The following SDCBP variants were observed in gnomAD, a reference collection of about 807,000 sequenced individuals.
The protein encoded by SDCBP is syndecan binding protein, also known as syntenin-1.
SDCBP carries 22 observed loss-of-function variants against 30.5 expected under a neutral mutation model. The ratio of observed to expected loss-of-function variants is 0.72; its 90% CI spans 0.52 to 1.03. SDCBP has a LOEUF of 1.03. Ranked by LOEUF, SDCBP falls within the 50% of genes least tolerant of loss-of-function variation. SDCBP has a pLI of 0.00. For missense variants in SDCBP, 304 were observed against 369.9 expected, an observed-to-expected ratio of 0.82 and a Z score of 1.46; for synonymous variants, 103 against 118.7, an observed-to-expected ratio of 0.87 and a Z score of 0.86.
chr8:58,563,947 G>A lies in SDCBP; in HGVS notation c.-15-1072G>A, dbSNP rs566630208. On this transcript the variant is annotated intron_variant, in intron 1 of 8. Transcript: ENST00000260130. ...GAAAGCTGCTCAGGGAGATTCCTTG[G>A]TGGTGGCATTCTGCTGCAGAGTTAC... 3.3e-5 allele frequency among the ~76,000 whole-genome samples: 5 copies of A among 152,340 alleles called. No homozygotes were observed. In the South Asian group the frequency reaches 1.0e-3, roughly 32 times the overall value.
intron 3 of SDCBP, among the ~76,000 whole-genome samples, chr8:58,571,751 C>CA (rs1805040208): frequency 6.6e-6 from 1 of 151,444 alleles, no homozygotes; most frequent in Admixed American, 6.6e-5. Context: ...TACAAGCTTC[C>CA]AAAAAAAATT....
chr8:58,577,082 C>T (rs1805380783), intron 5 of SDCBP, among the ~76,000 whole-genome samples: 1 of 152,242 alleles, frequency 6.6e-6, no homozygotes, highest in South Asian at 2.1e-4. Flanking sequence ...CTCTTGTGTT[C>T]TTTCCTCTGT....
At position 58,565,060 on chromosome 8, in the gene SDCBP, C is replaced by G. The variant is rs200120124; in HGVS notation, c.27C>G (p.Asp9Glu). ...TGTCTCTCTATCCATCTCTCGAAGA[C>G]TTGAAGGTAGACAAAGTAATTCAGG... MSLYPSLE[D>E]LKVDKVIQAQ... The change falls in exon 2 of 9, where the codon GAC (aspartate) becomes GAG (glutamate). Residue 9 changes from aspartate (D) to glutamate (E), a missense_variant. Asp to Glu is a conservative substitution (Grantham distance 45, BLOSUM62 2). Coordinates refer to ENST00000260130, the MANE Select transcript of SDCBP (RefSeq NM_005625.4). 3.1e-5 allele frequency: 49 copies of G among 1,589,766 alleles called. No individual in the cohort carries two copies. The highest frequency in any genetic ancestry group is 3.8e-5 in the Non-Finnish European group (44 of 1,165,170).
chr8:58,580,431 T>G, intron 7 of SDCBP, 86 bp from the exon 8 acceptor site: 1 of 707,240 alleles, frequency 1.4e-6, no homozygotes, highest in South Asian at 1.6e-5. Flanking sequence ...ACATATATTT[T>G]GTATTTCTTT....
chr8:58,579,443 T>TA (rs1243018257), intron 6 of SDCBP, among the ~76,000 whole-genome samples, 180 bp from the exon 7 acceptor site: 2 of 151,898 alleles, frequency 1.3e-5, no homozygotes, highest in Admixed American at 1.3e-4. Context: ...TGAATAAACT[T>TA]AAAAAAAACT....
chr8:58,560,661 G>A (rs1013614964), intron 1 of SDCBP: 4 of 152,288 alleles, frequency 2.6e-5, no homozygotes, highest in East Asian at 3.9e-4. Context: ...AAAAGGAAAC[G>A]AACAAGTTCA....
chr8:58,572,560 A>G (rs1404528458), intron 4 of SDCBP, among the ~76,000 whole-genome samples: 1 of 152,120 alleles, frequency 6.6e-6, no homozygotes, highest in Non-Finnish European at 1.5e-5. Context: ...TGTCTTCTGC[A>G]TTTAGTCAGT....
At chr8:58,574,943 C>T (rs1306045648) in intron 4 of SDCBP, among the ~76,000 whole-genome samples, 1 of 152,144 alleles carries the variant, frequency 6.6e-6, no homozygotes, top group Non-Finnish European at 1.5e-5. Flanking sequence ...AGTTACTATG[C>T]TGTACATTAG....
intron 2 of SDCBP, among the ~76,000 whole-genome samples, chr8:58,569,005 T>G (rs1804865914): frequency 6.6e-6 from 1 of 152,068 alleles, no homozygotes; most frequent in Non-Finnish European, 1.5e-5. Context: ...TAGCTGGGAC[T>G]ACAGGCATGC....
intron 5 of SDCBP, 22 bp downstream of exon 5, chr8:58,576,083 T>C: frequency 6.5e-7 from 1 of 1,543,858 alleles, no homozygotes; most frequent in Non-Finnish European, 8.9e-7. Context: ...AAATACCTAT[T>C]TGAATTTGTC....
chr8:58,562,579 T>C (rs1314646675), intron 1 of SDCBP, among the ~76,000 whole-genome samples: 1 of 152,034 alleles, frequency 6.6e-6, no homozygotes, highest in Non-Finnish European at 1.5e-5. Flanking sequence ...GCGAAGACAA[T>C]TCAAAAATGT....
At chr8:58,565,279 GAATT>G (rs1245298671) in intron 2 of SDCBP, among the ~76,000 whole-genome samples, 195 bp downstream of exon 2, 2 of 151,422 alleles carry the variant, frequency 1.3e-5, no homozygotes, top group Non-Finnish European at 2.9e-5. Context: ...ATTTCACTGT[GAATT>G]AATAGGCATG....
At position 58,579,606 on chromosome 8, in the gene SDCBP, AC is replaced by A. The variant is rs1374271519; in HGVS notation, c.579-15del. 8 of 1,501,996 alleles carry A rather than the reference AC, an allele frequency of 5.3e-6. No homozygotes were observed. The highest frequency in any genetic ancestry group is 7.1e-6 in the Non-Finnish European group (8 of 1,122,744). The allele number at this position is 1,501,996 out of a possible 1,614,324, so 93.0% of individuals were successfully genotyped here. ...AGCTTAGAATTAAGTTTTTAATTGAACCAATTATGTTTGTAGGCCCTTTGAA... is the reference window on the plus strand; with the variant it reads ...AGCTTAGAATTAAGTTTTTAATTGAACAATTATGTTTGTAGGCCCTTTGAA... On this transcript the variant is annotated splice_polypyrimidine_tract_variant and intron_variant, in intron 6 of 8. Coordinates refer to ENST00000260130, the MANE Select transcript of SDCBP (RefSeq NM_005625.4).
chr8:58,558,013 G>A (rs1000818063), intron 1 of SDCBP, among the ~76,000 whole-genome samples: 1 of 152,102 alleles, frequency 6.6e-6, no homozygotes. Flanking sequence ...CCCAGAGTTA[G>A]CTTTGTGGTT....
At chr8:58,579,829 G>A (rs772205712) in intron 7 of SDCBP, 35 bp downstream of exon 7, 1 of 1,537,728 alleles carries the variant, frequency 6.5e-7, no homozygotes, top group South Asian at 1.2e-5. Flanking sequence ...TTCTGCTGCA[G>A]TTTTAGAAAA....
intron 6 of SDCBP, among the ~76,000 whole-genome samples, chr8:58,578,634 AG>A (rs1218824443): frequency 6.6e-6 from 1 of 152,206 alleles, no homozygotes; most frequent in Non-Finnish European, 1.5e-5. Flanking sequence ...ATGAAGCAGT[AG>A]TTTTCAAGAA....
chr8:58,578,707 G>C (rs916346184), intron 6 of SDCBP, among the ~76,000 whole-genome samples: 1 of 152,168 alleles, frequency 6.6e-6, no homozygotes, highest in Non-Finnish European at 1.5e-5. Context: ...ACATGAAATA[G>C]GGGCCTCCAT....
chr8:58,560,660 C>G (rs114292633), intron 1 of SDCBP: 1 of 152,158 alleles, frequency 6.6e-6, no homozygotes, highest in Non-Finnish European at 1.5e-5. Context: ...AAAAAGGAAA[C>G]GAACAAGTTC....
chr8:58,572,185 T>G lies in SDCBP; in HGVS notation c.131-20T>G. 6.8e-7 allele frequency: 1 copy of G among 1,466,522 alleles called. No individual in the cohort carries two copies. Among genetic ancestry groups the G allele is most frequent in the Non-Finnish European group, 9.5e-7 (1 of 1,050,454 alleles). 90.8% of individuals were successfully genotyped at this position (1,466,522 alleles called of 1,614,324 possible). The stretch of plus-strand genomic sequence containing the variant: ...TGTGTATTCTGTAAGTGCTTTTTAA[T>G]TTATTCATTTACTTTTTAGATCTCT... On this transcript the variant is annotated intron_variant, in intron 3 of 8. Coordinates refer to ENST00000260130, the MANE Select transcript of SDCBP (RefSeq NM_005625.4).
Sources: allele counts gnomAD v4.1 joint callset (sites outside exome capture counted in the v4.1 genomes callset), GRCh38; gene constraint gnomAD v4.1.1; transcripts MANE v1.5; gene names NCBI Gene and HGNC (gene_info 2026-07-23, HGNC 2026-07-21).